CCDC186: variants seen among roughly 807,000 people sequenced by gnomAD.
The protein encoded by CCDC186 is coiled-coil domain-containing protein 186.
In CCDC186, 49 loss-of-function variants were observed where a neutral mutation model predicts 113.7. The ratio of observed to expected loss-of-function variants is 0.43; its 90% confidence interval spans 0.34 to 0.55. The LOEUF (loss-of-function observed/expected upper bound fraction) is 0.55. CCDC186 is among the 20% of genes least tolerant of loss of function. The pLI is 0.02. For synonymous variants in CCDC186, 355 were observed against 345.8 expected (o/e 1.03, Z -0.30); for missense variants, 890 against 1,011.1 (o/e 0.88, Z 1.62).
At chr10:114,160,821 C>G (rs1356910834) in intron 2 of CCDC186, among the ~76,000 whole-genome samples, 2 of 152,120 alleles carry the variant, frequency 1.3e-5, no homozygotes, top group Non-Finnish European at 2.9e-5. Context: ...TTAGAGTTAA[C>G]CTGACTCACA....
intron 14 of CCDC186, among the ~76,000 whole-genome samples, chr10:114,127,011 C>T (rs562698789): frequency 2.6e-4 from 40 of 152,102 alleles, no homozygotes; most frequent in Admixed American, 1.2e-3. Context: ...AGAGAACTCA[C>T]GCACTGAGTG....
intron 3 of CCDC186, among the ~76,000 whole-genome samples, chr10:114,154,451 A>G (rs1368839463): frequency 6.6e-6 from 1 of 152,120 alleles, no homozygotes; most frequent in Non-Finnish European, 1.5e-5. Flanking sequence ...GACAAAATGA[A>G]CAATTCCTAG....
At position 114,129,807 on chromosome 10, in the gene CCDC186, G is replaced by A. The variant is rs546421023; in HGVS notation, c.2182+84C>T. On this transcript the variant is annotated intron_variant, in intron 13 of 15. Coordinates refer to ENST00000369287, the MANE Select transcript of CCDC186 (RefSeq NM_018017.4). Reference sequence around the variant, plus strand: ...GTCCTCCCAAAGTGCTGGGATTACAGGTGTGAGCCATCACACCTGGCCAAA... The same window carrying A: ...GTCCTCCCAAAGTGCTGGGATTACAAGTGTGAGCCATCACACCTGGCCAAA... 5 of 1,195,104 alleles carry A rather than the reference G, an allele frequency of 4.2e-6. No individual in the cohort carries two copies. The African/African-American group carries it at 6.1e-5, about 14-fold the overall frequency. The allele number at this position is 1,195,104 out of a possible 1,614,324, so 74.0% of individuals were successfully genotyped here. A position where few individuals can be genotyped will look rare whatever the true frequency, so the allele number is the denominator to read the frequency against.
intron 1 of CCDC186, among the ~76,000 whole-genome samples, chr10:114,170,052 C>T (rs1165049286): frequency 6.6e-6 from 1 of 152,084 alleles, no homozygotes. Flanking sequence ...TGCATGCCAC[C>T]ATACCCAGAT....
rs538987344 is a variant in CCDC186, at chr10:114,136,473, A to G, written c.1327-227T>C. 4.6e-5 allele frequency among the ~76,000 whole-genome samples: 7 copies of G among 152,346 alleles called. No individual in the cohort carries two copies. In the East Asian group the frequency reaches 1.3e-3, roughly 29 times the overall value. ...CTCGAGTGTGTTTATGTAAAATTAA[A>G]TGAGCGCTGGCAGCAAGCTGCACTT... is the stretch of plus-strand genomic sequence containing the variant. On this transcript the variant is annotated intron_variant, in intron 7 of 15. Transcript: ENST00000369287.
chr10:114,145,640 C>G lies in CCDC186; in HGVS notation c.1010G>C (p.Arg337Thr), dbSNP rs138219560. 2.2e-5 allele frequency: 36 copies of G among 1,613,302 alleles called. No homozygotes were observed. The African/African-American group carries it at 4.0e-4, about 18-fold the overall frequency. ...KEKETLEKKL[R>T]DANKELEKNT... The stretch of plus-strand genomic sequence containing the variant: ...TTTCTCAAGTTCCTTATTTGCATCT[C>G]TAAGTTTTTTCTCAAGTGTCTCTTT... Residue 337 changes from arginine to threonine, a missense_variant, in exon 5 of 16, where the codon AGA (arginine) becomes ACA (threonine). Transcript: ENST00000369287.
chr10:114,147,544 A>G (rs2031683120), intron 4 of CCDC186, among the ~76,000 whole-genome samples: 1 of 152,210 alleles, frequency 6.6e-6, no homozygotes. Context: ...AAGTTATTTT[A>G]TTGGGCTTAA....
At chr10:114,170,826 TA>T (rs968247533) in intron 1 of CCDC186, among the ~76,000 whole-genome samples, 51 of 150,760 alleles carry the variant, frequency 3.4e-4, no homozygotes, top group Non-Finnish European at 4.0e-4. Flanking sequence ...CAAAGATGTT[TA>T]AAAAAAAAGA....
chr10:114,171,978 T>C (rs2032506359), intron 1 of CCDC186, among the ~76,000 whole-genome samples: 2 of 152,186 alleles, frequency 1.3e-5, no homozygotes, highest in South Asian at 4.1e-4. Context: ...TTTGAAACAA[T>C]AGATTAAATT....
At position 114,174,125 on chromosome 10, in the gene CCDC186, C is replaced by T. The variant is rs1262812230; in HGVS notation, c.-172G>A. ...CCAGCCAAGAGTGGGAGGAAAAGAC[C>T]GCGGTGAGAAACACAGCCGACGCCT... On this transcript the variant is annotated 5_prime_UTR_variant, in exon 1 of 16. Coordinates refer to ENST00000369287, the MANE Select transcript of CCDC186 (RefSeq NM_018017.4). The T allele has an allele frequency of 2.1e-6, 1 of 471,964 alleles. No individual in the cohort carries two copies. Among genetic ancestry groups the T allele is most frequent in the South Asian group, 1.5e-5 (1 of 64,554 alleles). 29.2% of individuals were successfully genotyped at this position (471,964 alleles called of 1,614,324 possible). A position where few individuals can be genotyped will look rare whatever the true frequency, so the allele number is the denominator to read the frequency against.
At chr10:114,126,542 G>T (rs1055092609) in intron 14 of CCDC186, among the ~76,000 whole-genome samples, 1 of 151,972 alleles carries the variant, frequency 6.6e-6, no homozygotes, top group Admixed American at 6.6e-5. Flanking sequence ...TTGAGATGGG[G>T]TCTTGCTATG....
At chr10:114,150,602 T>A (rs1378393520) in intron 4 of CCDC186, among the ~76,000 whole-genome samples, 1 of 152,192 alleles carries the variant, frequency 6.6e-6, no homozygotes, top group African/African-American at 2.4e-5. Context: ...TTCCATACAC[T>A]TTTTTATTCA....
intron 1 of CCDC186, among the ~76,000 whole-genome samples, chr10:114,173,771 C>T (rs34933714): frequency 0.077 from 11,722 of 152,260 alleles, 596 homozygotes; most frequent in Middle Eastern, 0.15. Context: ...TTTGCCACCT[C>T]CAAGGTCCCG....
At chr10:114,139,329 G>A (rs998195781) in intron 6 of CCDC186, among the ~76,000 whole-genome samples, 11 of 151,670 alleles carry the variant, frequency 7.3e-5, no homozygotes, top group Non-Finnish European at 1.5e-4. Context: ...TTGGGAGGCC[G>A]AGGCAGATGG....
At chr10:114,149,442 A>C (rs1347333433) in intron 4 of CCDC186, among the ~76,000 whole-genome samples, 1 of 152,018 alleles carries the variant, frequency 6.6e-6, no homozygotes, top group African/African-American at 2.4e-5. Flanking sequence ...TTGGAAGAAG[A>C]CTTTTTCAAA....
intron 1 of CCDC186, among the ~76,000 whole-genome samples, chr10:114,171,536 T>C (rs1240484208): frequency 5.9e-5 from 9 of 152,056 alleles, no homozygotes; most frequent in Non-Finnish European, 1.2e-4. Flanking sequence ...GGGTGACAGA[T>C]TGAGATCTTG....
chr10:114,163,417 A>C (rs1011153043), intron 1 of CCDC186, 88 bp from the exon 2 acceptor site: 32 of 1,045,246 alleles, frequency 3.1e-5, no homozygotes, highest in Non-Finnish European at 3.9e-5. Flanking sequence ...GGAATAACTA[A>C]CACCACAAAT....
At position 114,157,595 on chromosome 10, in the gene CCDC186, TTTTC is replaced by T. The variant is rs2032049565; in HGVS notation, c.714_717del (p.Lys239GlufsTer9). On this transcript the variant is annotated frameshift_variant, in exon 3 of 16. Transcript: ENST00000369287. LOFTEE classifies it high-confidence loss of function. Reference sequence around the variant, plus strand: ...ATATGCTGCTTCTCAGTTTCTGTTCTTTTCTTTAGTTCTTCTCTTAAATTGTCTT... The same window carrying T: ...ATATGCTGCTTCTCAGTTTCTGTTCTTTTAGTTCTTCTCTTAAATTGTCTT... The T allele has an allele frequency of 6.2e-7, 1 of 1,611,350 alleles. No individual in the cohort carries two copies. Among genetic ancestry groups the T allele is most frequent in the Non-Finnish European group, 8.5e-7 (1 of 1,179,248 alleles).
intron 6 of CCDC186, among the ~76,000 whole-genome samples, chr10:114,143,586 G>C (rs1251771020): frequency 6.6e-6 from 1 of 152,130 alleles, no homozygotes; most frequent in Non-Finnish European, 1.5e-5. Flanking sequence ...CTTCAGACTT[G>C]AGGGAAACCC....
Sources: allele counts gnomAD v4.1 joint callset (sites outside exome capture counted in the v4.1 genomes callset), GRCh38; gene constraint gnomAD v4.1.1; transcripts MANE v1.5; gene names NCBI Gene and HGNC (gene_info 2026-07-23, HGNC 2026-07-21).